The following PBLD variants were observed in gnomAD, a reference collection of about 807,000 sequenced individuals.
PBLD encodes the protein phenazine biosynthesis-like domain-containing protein.
In PBLD, 26 loss-of-function variants were observed where a neutral mutation model predicts 31.3. The ratio of observed to expected loss-of-function variants is 0.83; its 90% CI spans 0.61 to 1.15. The LOEUF (loss-of-function observed/expected upper bound fraction) is 1.15, where lower values mean the gene tolerates loss of function less well. PBLD is among the 50% of genes most tolerant of loss of function. The probability of loss-of-function intolerance (pLI) is 0.00; values close to 1 mark genes in which losing one functional copy is unlikely to be tolerated. For missense variants in PBLD, 307 were observed against 351.7 expected (o/e 0.87, Z 1.02); for synonymous variants, 114 against 129.0 (o/e 0.88, Z 0.79).
chr10:68,315,208 T>C (rs181451507), intron 1 of PBLD, among the ~76,000 whole-genome samples: 3 of 152,154 alleles, frequency 2.0e-5, no homozygotes, highest in Admixed American at 1.3e-4. Flanking sequence ...TCTGAGTCAG[T>C]GGATAATAGC....
Position 68,310,384 on chromosome 10 carries a change from T to TATAC in PBLD, c.-59-3482_-59-3481insGTAT, listed in dbSNP as rs1554859465. 3.0e-3 allele frequency among the ~76,000 whole-genome samples: 442 copies of TATAC among 147,442 alleles called. 30 individuals are homozygous for TATAC. Among genetic ancestry groups the TATAC allele is most frequent in the African/African-American group, 0.011 (419 of 39,478 alleles). On this transcript the variant is annotated intron_variant, in intron 1 of 9. Transcript: ENST00000358769. ...TTTGAAGTATATATATATATATATA[T>TATAC]ACACATTGTGAAATGGTTAAATCTA...
At chr10:68,293,123 G>C (rs1035646817) in intron 4 of PBLD, among the ~76,000 whole-genome samples, 2 of 152,188 alleles carry the variant, frequency 1.3e-5, no homozygotes, top group African/African-American at 4.8e-5. Context: ...GGCTCCCAAA[G>C]TGTTGGGATT....
At chr10:68,286,482 ATTTTC>A (rs2044290377) in intron 8 of PBLD, among the ~76,000 whole-genome samples, 1 of 151,874 alleles carries the variant, frequency 6.6e-6, no homozygotes, top group African/African-American at 2.4e-5. Context: ...AAAAGGCTAA[ATTTTC>A]TTTTCTTTTA....
Position 68,292,123 on chromosome 10 carries a change from G to A in PBLD, c.393+6C>T. The A allele has an allele frequency of 6.2e-7, 1 of 1,611,218 alleles. No homozygotes were observed. Among genetic ancestry groups the A allele is most frequent in the Non-Finnish European group, 8.5e-7 (1 of 1,177,544 alleles). On this transcript the variant is annotated splice_donor_region_variant and intron_variant, in intron 5 of 9. Transcript: ENST00000358769. ...TGGCTTAGGGCAATAATTACAAAGA[G>A]CTGACCTGGGGGTGGGCTGGATAAA...
intron 1 of PBLD, among the ~76,000 whole-genome samples, chr10:68,321,127 C>T (rs76595354): frequency 0.024 from 3,648 of 152,164 alleles, 145 homozygotes; most frequent in African/African-American, 0.083. Flanking sequence ...TAGCCCCGAC[C>T]CCTTTTAATA....
At chr10:68,298,372 A>C (rs986615399) in intron 2 of PBLD, among the ~76,000 whole-genome samples, 1 of 152,132 alleles carries the variant, frequency 6.6e-6, no homozygotes, top group Non-Finnish European at 1.5e-5. Flanking sequence ...CATGCCTATA[A>C]TGCCAGCACT....
At chr10:68,327,652 C>T (rs186107976) in intron 1 of PBLD, among the ~76,000 whole-genome samples, 8 of 124,754 alleles carry the variant, frequency 6.4e-5, no homozygotes, top group Admixed American at 3.0e-4. Context: ...CCAGCCTGGG[C>T]GACAAAGCAA....
At position 68,284,055 on chromosome 10, in the gene PBLD, G is replaced by A. The variant is rs748833306; in HGVS notation, c.*122C>T. ...AGCCACTGCGCCTGGCCCATTTTTC[G>A]ATTTTTAACATGAGGATTAAGTAGA... is the stretch of plus-strand genomic sequence containing the variant. On this transcript the variant is annotated 3_prime_UTR_variant, in exon 10 of 10. Transcript: ENST00000358769. The A allele has an allele frequency of 8.3e-6, 8 of 963,282 alleles. No individual in the cohort carries two copies. The highest frequency in any genetic ancestry group is 3.3e-5 in the African/African-American group (2 of 60,360). The allele number at this position is 963,282 out of a possible 1,614,324, so 59.7% of individuals were successfully genotyped here.
chr10:68,309,068 C>T (rs1402305515), intron 1 of PBLD, among the ~76,000 whole-genome samples: 2 of 150,240 alleles, frequency 1.3e-5, no homozygotes, highest in African/African-American at 4.9e-5. Flanking sequence ...TACAGTTTTC[C>T]TGTCACTGCA....
At chr10:68,313,083 T>C (rs1247129796) in intron 1 of PBLD, among the ~76,000 whole-genome samples, 5 of 152,064 alleles carry the variant, frequency 3.3e-5, no homozygotes. Context: ...CCTGACTGAC[T>C]TTTGTATTTA....
chr10:68,325,233 G>A (rs1315695148), intron 1 of PBLD, among the ~76,000 whole-genome samples: 13 of 151,884 alleles, frequency 8.6e-5, no homozygotes, highest in Admixed American at 8.5e-4. Flanking sequence ...GACAAAACAA[G>A]ACTCCGTCTC....
At chr10:68,294,639 G>A (rs1374597013) in intron 4 of PBLD, among the ~76,000 whole-genome samples, 1 of 152,222 alleles carries the variant, frequency 6.6e-6, no homozygotes, top group Non-Finnish European at 1.5e-5. Context: ...AAAATGTCCA[G>A]CTTTAGAGCT....
At chr10:68,296,664 C>T (rs2044432433) in intron 3 of PBLD, among the ~76,000 whole-genome samples, 1 of 152,140 alleles carries the variant, frequency 6.6e-6, no homozygotes, top group Non-Finnish European at 1.5e-5. Context: ...AAGATCATTC[C>T]CCCACCTAAA....
At chr10:68,310,119 G>A (rs559958018) in intron 1 of PBLD, among the ~76,000 whole-genome samples, 14 of 148,926 alleles carry the variant, frequency 9.4e-5, no homozygotes, top group South Asian at 6.4e-4. Context: ...CTGGGTGACC[G>A]AGAGAGACTC....
intron 4 of PBLD, among the ~76,000 whole-genome samples, chr10:68,295,035 C>T (rs756369316): frequency 3.3e-5 from 5 of 152,174 alleles, no homozygotes; most frequent in Non-Finnish European, 7.3e-5. Context: ...TGTTTTAGGG[C>T]ATTTCCCAGG....
At chr10:68,319,724 A>G (rs530092125) in intron 1 of PBLD, among the ~76,000 whole-genome samples, 1 of 152,282 alleles carries the variant, frequency 6.6e-6, no homozygotes, top group Non-Finnish European at 1.5e-5. Flanking sequence ...CCATCTCAAA[A>G]ACAAAGAAAA....
intron 1 of PBLD, among the ~76,000 whole-genome samples, chr10:68,313,015 A>G (rs1339224293): frequency 6.6e-6 from 1 of 152,096 alleles, no homozygotes; most frequent in African/African-American, 2.4e-5. Flanking sequence ...CCCCAGGCTC[A>G]GGTGATTCTC....
intron 9 of PBLD, 98 bp downstream of exon 9, chr10:68,285,250 G>T: frequency 6.3e-7 from 1 of 1,599,902 alleles, no homozygotes; most frequent in East Asian, 2.2e-5. Flanking sequence ...GGTGATACAT[G>T]ACATTGTATT....
At chr10:68,311,845 A>G (rs2044673650) in intron 1 of PBLD, among the ~76,000 whole-genome samples, 1 of 152,018 alleles carries the variant, frequency 6.6e-6, no homozygotes, top group Non-Finnish European at 1.5e-5. Flanking sequence ...TTTTAGGAAG[A>G]TGGCAAATAC....
Sources: allele counts gnomAD v4.1 joint callset (sites outside exome capture counted in the v4.1 genomes callset), GRCh38; gene constraint gnomAD v4.1.1; transcripts MANE v1.5; gene names NCBI Gene and HGNC (gene_info 2026-07-23, HGNC 2026-07-21).